PPFIBP2: variants seen among roughly 807,000 people sequenced by gnomAD.
The protein encoded by PPFIBP2 is PPFIB scaffold protein 2, also known as liprin-beta-2.
A neutral mutation model predicts 118.3 loss-of-function variants in PPFIBP2; 118 were observed. That is an observed-to-expected ratio of 1.00 (90% CI 0.86 to 1.16). The LOEUF (loss-of-function observed/expected upper bound fraction) is 1.16, where lower values mean the gene tolerates loss of function less well. Ranked by LOEUF, PPFIBP2 falls within the 50% of genes most tolerant of loss-of-function variation. The pLI is 0.00. For synonymous variants in PPFIBP2, 414 were observed against 397.4 expected (o/e 1.04, Z -0.50); for missense variants, 1,195 against 1,073.1 (o/e 1.11, Z -1.59).
At chr11:7,597,203 A>G (rs1860495087) in intron 4 of PPFIBP2, 1 of 1,487,992 alleles carries the variant, frequency 6.7e-7, no homozygotes, top group Non-Finnish European at 8.9e-7. Context: ...AAGTGCTGGC[A>G]AGCCAGCTGA....
chr11:7,573,615 T>G (rs2134849118), intron 3 of PPFIBP2, among the ~76,000 whole-genome samples: 1 of 152,356 alleles, frequency 6.6e-6, no homozygotes, highest in East Asian at 1.9e-4. Flanking sequence ...TGATCTATTT[T>G]GGAGGTGCAT....
chr11:7,626,627 C>T (rs978963228), intron 8 of PPFIBP2, among the ~76,000 whole-genome samples: 5 of 152,188 alleles, frequency 3.3e-5, no homozygotes, highest in African/African-American at 1.2e-4. Context: ...GGTGAATGGT[C>T]CCTGAGGAGT....
chr11:7,635,955 A>G (rs1851396102), intron 14 of PPFIBP2, among the ~76,000 whole-genome samples: 1 of 152,178 alleles, frequency 6.6e-6, no homozygotes, highest in South Asian at 2.1e-4. Flanking sequence ...TGTCATGGTT[A>G]AAAAAACACA....
chr11:7,586,121 G>A (rs1046090474), intron 3 of PPFIBP2, among the ~76,000 whole-genome samples: 1 of 152,214 alleles, frequency 6.6e-6, no homozygotes, highest in Non-Finnish European at 1.5e-5. Flanking sequence ...GGTGGGTTCT[G>A]CGTTGTCACT....
At chr11:7,561,673 T>A (rs1165768485) in intron 2 of PPFIBP2, among the ~76,000 whole-genome samples, 5 of 152,254 alleles carry the variant, frequency 3.3e-5, no homozygotes, top group Admixed American at 6.5e-5. Flanking sequence ...TGCCTCTTGA[T>A]TGTACTTCTC....
chr11:7,626,137 GT>G (rs1849976890), intron 8 of PPFIBP2, among the ~76,000 whole-genome samples: 1 of 152,200 alleles, frequency 6.6e-6, no homozygotes, highest in Admixed American at 6.5e-5. Flanking sequence ...TAACTAGAAG[GT>G]TTTTCTCAGA....
intron 3 of PPFIBP2, among the ~76,000 whole-genome samples, chr11:7,591,210 C>G (rs545538986): frequency 1.3e-5 from 2 of 152,144 alleles, no homozygotes; most frequent in South Asian, 4.2e-4. Flanking sequence ...TTGAATAAGG[C>G]ATAGTTGGTA....
At chr11:7,528,657 G>T (rs1478815942) in intron 1 of PPFIBP2, among the ~76,000 whole-genome samples, 4 of 152,222 alleles carry the variant, frequency 2.6e-5, no homozygotes, top group African/African-American at 9.6e-5. Context: ...GGCTGTAGGG[G>T]TTGAGAGGAG....
chr11:7,528,387 T>C (rs893360598), intron 1 of PPFIBP2, among the ~76,000 whole-genome samples: 22 of 152,228 alleles, frequency 1.4e-4, no homozygotes, highest in African/African-American at 5.3e-4. Flanking sequence ...ATAGGCAATT[T>C]CTGAATTGCT....
intron 1 of PPFIBP2, among the ~76,000 whole-genome samples, chr11:7,520,235 A>G (rs568548482): frequency 6.6e-6 from 1 of 152,310 alleles, no homozygotes; most frequent in East Asian, 1.9e-4. Flanking sequence ...TCTCCTGTAA[A>G]CAAGAAGTGT....
chr11:7,639,075 G>C (rs893725021), intron 14 of PPFIBP2, among the ~76,000 whole-genome samples: 1 of 152,018 alleles, frequency 6.6e-6, no homozygotes, highest in Non-Finnish European at 1.5e-5. Flanking sequence ...TTCTTCTTTT[G>C]CTCCACATTT....
At chr11:7,589,250 G>C (rs1423349828) in intron 3 of PPFIBP2, among the ~76,000 whole-genome samples, 1 of 152,128 alleles carries the variant, frequency 6.6e-6, no homozygotes, top group Non-Finnish European at 1.5e-5. Flanking sequence ...GGGGGTGGAT[G>C]ATACTCTCCT....
At chr11:7,597,406 G>C in intron 4 of PPFIBP2, 154 bp from the exon 5 acceptor site, 2 of 1,539,078 alleles carry the variant, frequency 1.3e-6, no homozygotes, top group Non-Finnish European at 1.7e-6. Context: ...CTTCGTTCAG[G>C]ACACTTCCTC....
intron 6 of PPFIBP2, among the ~76,000 whole-genome samples, chr11:7,620,629 G>A (rs963145336): frequency 2.0e-5 from 3 of 152,138 alleles, no homozygotes; most frequent in African/African-American, 7.2e-5. Context: ...TCGCCTGCCT[G>A]CCTATACTCA....
chr11:7,592,897 G>A (rs1859594909), intron 3 of PPFIBP2, among the ~76,000 whole-genome samples: 1 of 152,180 alleles, frequency 6.6e-6, no homozygotes, highest in African/African-American at 2.4e-5. Flanking sequence ...CCAGGAGTGA[G>A]GTCATCCAGG....
At chr11:7,584,883 A>G (rs557796517) in intron 3 of PPFIBP2, among the ~76,000 whole-genome samples, 2 of 152,196 alleles carry the variant, frequency 1.3e-5, no homozygotes, top group Non-Finnish European at 2.9e-5. Context: ...CCTGGCAGCT[A>G]TGGTTCACTT....
At chr11:7,560,532 AT>A (rs1854182388) in intron 2 of PPFIBP2, among the ~76,000 whole-genome samples, 1 of 152,198 alleles carries the variant, frequency 6.6e-6, no homozygotes, top group Non-Finnish European at 1.5e-5. Flanking sequence ...TTCAGAAGTT[AT>A]TTAAACATTC....
intron 3 of PPFIBP2, chr11:7,577,320 C>T (rs575552657): frequency 9.6e-4 from 211 of 219,802 alleles, no homozygotes; most frequent in African/African-American, 4.1e-3. Context: ...CATGTATGTG[C>T]GTGTGTGTGT....
intron 7 of PPFIBP2, among the ~76,000 whole-genome samples, chr11:7,622,792 T>C (rs1849506602): frequency 6.6e-6 from 1 of 152,182 alleles, no homozygotes; most frequent in African/African-American, 2.4e-5. Context: ...GAACCTTCCA[T>C]CACAACACCC....
Sources: gnomAD v4.1 joint callset for allele counts (sites outside exome capture counted in the v4.1 genomes callset) on GRCh38, gnomAD v4.1.1 for gene constraint, MANE v1.5 for transcripts, NCBI Gene and HGNC (gene_info 2026-07-23, HGNC 2026-07-21) for gene names.